The following NAMPT variants were observed in gnomAD, a reference collection of about 807,000 sequenced individuals.
The protein encoded by NAMPT is NAmPRTase.
A neutral mutation model predicts 58.7 loss-of-function variants in NAMPT; 7 were observed. That is an observed-to-expected ratio of 0.12 (90% CI 0.07 to 0.22). NAMPT has a LOEUF of 0.22. Ranked by LOEUF, NAMPT falls within the 10% of genes least tolerant of loss-of-function variation. NAMPT has a pLI of 1.00. For missense variants in NAMPT, 271 were observed against 567.9 expected (o/e 0.48, Z 5.31); for synonymous variants, 145 against 198.1 (o/e 0.73, Z 2.25).
upstream of NAMPT, chr7:106,285,685 C>G (rs1792867894): frequency 1.5e-6 from 1 of 658,806 alleles, no homozygotes; most frequent in Non-Finnish European, 1.9e-6. Flanking sequence ...TGCAGCGACT[C>G]CGCTTTCCTC....
intron 10 of NAMPT, 100 bp downstream of exon 10, chr7:106,252,917 T>G (rs564221664): frequency 1.5e-5 from 21 of 1,396,294 alleles, no homozygotes; most frequent in Admixed American, 4.5e-5. Flanking sequence ...ATATAATACT[T>G]TGTCTTCCAC....
intron 1 of NAMPT, among the ~76,000 whole-genome samples, chr7:106,281,589 G>A (rs1562820189): frequency 6.6e-6 from 1 of 152,170 alleles, no homozygotes; most frequent in East Asian, 1.9e-4. Flanking sequence ...AAGACTTTCT[G>A]CTGCTTCAAA....
chr7:106,257,742 G>C (rs996981629), intron 8 of NAMPT, among the ~76,000 whole-genome samples: 1 of 152,206 alleles, frequency 6.6e-6, no homozygotes, highest in Non-Finnish European at 1.5e-5. Flanking sequence ...GTACCTGACT[G>C]AACACCCAAC....
rs113980485 is a variant in NAMPT at position 106,252,769 on chromosome 7, A to G, written c.1365+248T>C. Among the ~76,000 whole-genome samples, 735 of 152,252 alleles carry G rather than the reference A, an allele frequency of 4.8e-3. 8 individuals carry two copies. The highest frequency in any genetic ancestry group is 0.016 in the African/African-American group (677 of 41,552). On this transcript the variant is annotated intron_variant, in intron 10 of 10. Transcript: ENST00000222553. ...CATAGTTTGCTTTTGGATAAAGTGT[A>G]TACAAACTTGCTGTCAATCACTATA... is the stretch of plus-strand genomic sequence containing the variant.
chr7:106,275,234 C>CA (rs1792610161), intron 2 of NAMPT, 185 bp from the exon 3 acceptor site: 1 of 401,894 alleles, frequency 2.5e-6, no homozygotes, highest in Non-Finnish European at 4.5e-6. Context: ...TTTAATAACT[C>CA]AAAGTATAAA....
rs1792471992 is a variant in NAMPT at position 106,268,528 on chromosome 7, T to C, written c.679A>G (p.Ile227Val). ...GTDTVAGLAL[I>V]KKYYGTKDPV... is the part of the protein sequence containing the mutation. ...TCTTTCGTTCCATAATATTTTTTAA[T>C]TAGAGCAAGTCCTGCTACTGTATCT... The change falls in exon 6 of 11, where the codon ATT becomes GTT. Residue 227 changes from isoleucine to valine, a missense_variant. Transcript: ENST00000222553. The C allele has an allele frequency of 1.2e-6, 2 of 1,613,278 alleles. No individual in the cohort carries two copies. Among genetic ancestry groups the C allele is most frequent in the Non-Finnish European group, 1.7e-6 (2 of 1,179,224 alleles).
chr7:106,277,929 T>C (rs1426160756), intron 1 of NAMPT, among the ~76,000 whole-genome samples: 2 of 152,238 alleles, frequency 1.3e-5, no homozygotes. Context: ...CATTATACTT[T>C]TAATATGGTT....
chr7:106,284,691 C>A, intron 1 of NAMPT, 137 bp downstream of exon 1: 1 of 1,045,366 alleles, frequency 9.6e-7, no homozygotes, highest in Non-Finnish European at 1.2e-6. Flanking sequence ...GCCCGCGCCT[C>A]CCCCGGGCCT....
chr7:106,273,289 T>C (rs1242582459), intron 3 of NAMPT, among the ~76,000 whole-genome samples: 1 of 152,180 alleles, frequency 6.6e-6, no homozygotes, highest in African/African-American at 2.4e-5. Flanking sequence ...GCCTCCAAAA[T>C]TAGGCTGAAG....
chr7:106,264,808 A>G (rs1172961798), intron 6 of NAMPT, among the ~76,000 whole-genome samples: 15 of 152,088 alleles, frequency 9.9e-5, no homozygotes, highest in Non-Finnish European at 2.1e-4. Flanking sequence ...CCAAGTAGGT[A>G]TAAGTTTAAC....
intron 2 of NAMPT, chr7:106,276,156 A>AAGATT (rs970004671): frequency 1.3e-5 from 2 of 152,246 alleles, no homozygotes; most frequent in African/African-American, 4.8e-5. Flanking sequence ...TAAAAGAGTC[A>AAGATT]AGATTATAGA....
Position 106,254,063 on chromosome 7 carries a change from C to T in NAMPT, c.1230+301G>A, listed in dbSNP as rs78458977. Among the ~76,000 whole-genome samples, 9 of 152,222 alleles carry T rather than the reference C, an allele frequency of 5.9e-5. No homozygotes were observed. The East Asian group carries it at 1.5e-3, about 26-fold the overall frequency. Reference sequence around the variant, plus strand: ...ATGGCTAGGTAAGCTGACATTCCTACTCAAATATTACTTTTTGATCTAAAG... The same window carrying T: ...ATGGCTAGGTAAGCTGACATTCCTATTCAAATATTACTTTTTGATCTAAAG... On this transcript the variant is annotated intron_variant, in intron 9 of 10. Transcript: ENST00000222553.
At chr7:106,269,474 A>G (rs968839623) in intron 4 of NAMPT, among the ~76,000 whole-genome samples, 162 bp from the exon 5 acceptor site, 3 of 151,972 alleles carry the variant, frequency 2.0e-5, no homozygotes, top group African/African-American at 7.3e-5. Context: ...TGCATTCCAG[A>G]TATAGTACAT....
intron 4 of NAMPT, among the ~76,000 whole-genome samples, chr7:106,271,094 C>A (rs77009043): frequency 0.045 from 3,921 of 86,400 alleles, 333 homozygotes; most frequent in East Asian, 0.41. Flanking sequence ...AGTTTTTTTT[C>A]TTTTTTTCCA....
chr7:106,256,316 A>G (rs770564097), intron 8 of NAMPT, among the ~76,000 whole-genome samples: 1 of 152,248 alleles, frequency 6.6e-6, no homozygotes, highest in Non-Finnish European at 1.5e-5. Context: ...GAAAACTTAG[A>G]GCAGGTTTAC....
intron 1 of NAMPT, among the ~76,000 whole-genome samples, chr7:106,282,944 TAAA>T (rs919639128): frequency 6.6e-5 from 10 of 152,046 alleles, no homozygotes; most frequent in African/African-American, 2.4e-4. Flanking sequence ...TTTCCTAAGA[TAAA>T]AAGACAAAAA....
At chr7:106,265,062 G>T (rs1052656730) in intron 6 of NAMPT, among the ~76,000 whole-genome samples, 1 of 152,106 alleles carries the variant, frequency 6.6e-6, no homozygotes, top group African/African-American at 2.4e-5. Flanking sequence ...TACAGAGGCT[G>T]CCAGTAGCTA....
In NAMPT at chr7:106,277,036, A is replaced by G. The variant is rs70937088; in HGVS notation, c.201T>C (p.Asn67=). 1.1e-3 allele frequency: 1,758 copies of G among 1,585,116 alleles called. 49 individuals carry two copies. The East Asian group carries it at 0.034, about 31-fold the overall frequency. The part of the protein sequence containing the change: ...TVFYGLQYIL[N]KYLKGKVVTK... ...GAAAAGTAATACCTTTTAAGTACTT[A>G]TTAAGAATGTACTGCAACCCATAAA... The change falls in exon 2 of 11, where the codon AAT becomes AAC. Residue 67 remains asparagine (N), a synonymous_variant. Transcript: ENST00000222553.
chr7:106,260,839 T>C (rs1188862112), intron 8 of NAMPT, among the ~76,000 whole-genome samples: 3 of 152,232 alleles, frequency 2.0e-5, no homozygotes, highest in Non-Finnish European at 4.4e-5. Context: ...ACAGTATTTA[T>C]CAATTAAGTT....
Sources: gnomAD v4.1 joint callset for allele counts (sites outside exome capture counted in the v4.1 genomes callset) on GRCh38, gnomAD v4.1.1 for gene constraint, MANE v1.5 for transcripts, NCBI Gene and HGNC (gene_info 2026-07-23, HGNC 2026-07-21) for gene names.